Variants in DNAAF19 observed in about 807,000 individuals in gnomAD.
The protein encoded by DNAAF19 is dynein axonemal assembly factor 19.
chr17:44,904,399 C>T, the DNAAF19 span: 122 of 1,542,044 alleles, frequency 7.9e-5, no homozygotes, highest in East Asian at 1.0e-3. Flanking sequence ...AGTGGCGCAT[C>T]GGCCTCTGCT....
At chr17:44,902,456 T>C in the DNAAF19 span, 1 of 1,614,258 alleles carries the variant, frequency 6.2e-7, no homozygotes, top group East Asian at 2.2e-5. Context: ...TACCAGGCTC[T>C]ACTGCAGCTT....
At chr17:44,902,275 T>A in the DNAAF19 span, 1 of 1,525,972 alleles carries the variant, frequency 6.6e-7, no homozygotes, top group Non-Finnish European at 9.1e-7. Flanking sequence ...ATGAAGACAG[T>A]AAGATGAAGA....
At chr17:44,900,932 T>C in the DNAAF19 span, 1 of 1,471,058 alleles carries the variant, frequency 6.8e-7, no homozygotes, top group Admixed American at 2.5e-5. Context: ...AATTCAGAGG[T>C]ACCCTCTTTC....
At chr17:44,903,293 T>C in the DNAAF19 span, 1 of 1,245,644 alleles carries the variant, frequency 8.0e-7, no homozygotes, top group African/African-American at 1.5e-5. Context: ...ATTTGAGGTG[T>C]TGAATTTTCC....
chr17:44,903,493 C>G, the DNAAF19 span: 6 of 1,274,850 alleles, frequency 4.7e-6, no homozygotes, highest in African/African-American at 4.6e-5. Flanking sequence ...TCTCCCTGCC[C>G]GAGCACCTCG....
At chr17:44,901,505 G>C in the DNAAF19 span, 2 of 1,613,966 alleles carry the variant, frequency 1.2e-6, no homozygotes. Flanking sequence ...CCTAATTTCT[G>C]TCCTTTGCCT....
chr17:44,905,151 T>G, the DNAAF19 span: 244 of 1,060,488 alleles, frequency 2.3e-4, no homozygotes, highest in Non-Finnish European at 3.1e-4. Flanking sequence ...GTGGGTACCC[T>G]GGGTTGGGAC....
At chr17:44,901,423 C>A in the DNAAF19 span, 2 of 1,372,236 alleles carry the variant, frequency 1.5e-6, no homozygotes, top group Non-Finnish European at 2.0e-6. Context: ...CATATTGGTC[C>A]GTAACAGGTT....
At chr17:44,905,357 T>C in the DNAAF19 span, 3 of 443,498 alleles carry the variant, frequency 6.8e-6, no homozygotes, top group Non-Finnish European at 1.3e-5. Flanking sequence ...CTCAGATTTA[T>C]CCAGTGGTAA....
the DNAAF19 span, chr17:44,905,209 T>A: frequency 1.4e-6 from 1 of 696,308 alleles, no homozygotes; most frequent in Non-Finnish European, 2.4e-6. Flanking sequence ...GCTCCCCATT[T>A]TCATGGGCAG....
At chr17:44,900,178 C>G in the DNAAF19 span, among the ~76,000 whole-genome samples, 19 of 151,964 alleles carry the variant, frequency 1.3e-4, no homozygotes, top group South Asian at 8.3e-4. Flanking sequence ...GAGGCCGAGG[C>G]GCGCGGATTA....
At chr17:44,901,891 T>C in the DNAAF19 span, among the ~76,000 whole-genome samples, 1 of 152,042 alleles carries the variant, frequency 6.6e-6, no homozygotes, top group African/African-American at 2.4e-5. Flanking sequence ...GCTAGGAAGG[T>C]CGGCTTCCCT....
chr17:44,903,791 G>A, the DNAAF19 span: 3 of 1,521,872 alleles, frequency 2.0e-6, no homozygotes, highest in South Asian at 3.8e-5. Context: ...TTAATGCCCT[G>A]GTTTTGCCCT....
chr17:44,901,753 C>A, the DNAAF19 span: 1 of 1,293,840 alleles, frequency 7.7e-7, no homozygotes, highest in Non-Finnish European at 1.1e-6. Flanking sequence ...TTTTTAACCA[C>A]ACATACCTCT....
At chr17:44,905,141 G>C in the DNAAF19 span, 2 of 1,278,964 alleles carry the variant, frequency 1.6e-6, no homozygotes, top group Non-Finnish European at 1.1e-6. Context: ...ATGTCTCTGG[G>C]TGGGTACCCT....
the DNAAF19 span, chr17:44,903,507 C>A: frequency 7.8e-7 from 1 of 1,282,238 alleles, no homozygotes; most frequent in Non-Finnish European, 9.8e-7. Context: ...CACCTCGGCC[C>A]GCCCTTCTCA....
At chr17:44,902,439 A>G in the DNAAF19 span, 1 of 1,614,230 alleles carries the variant, frequency 6.2e-7, no homozygotes, top group Non-Finnish European at 8.5e-7. Flanking sequence ...CAAGTGGGCC[A>G]GAGCGCTACC....
chr17:44,900,756 A>G, the DNAAF19 span, among the ~76,000 whole-genome samples: 3 of 152,340 alleles, frequency 2.0e-5, no homozygotes, highest in East Asian at 5.8e-4. Context: ...CTCCAAATTG[A>G]AAGTCAGGAC....
the DNAAF19 span, among the ~76,000 whole-genome samples, chr17:44,901,969 T>C: frequency 6.6e-6 from 1 of 152,162 alleles, no homozygotes; most frequent in South Asian, 2.1e-4. Flanking sequence ...TGGTGTCTAG[T>C]GTAATGATCC....
Sources: allele counts gnomAD v4.1 joint callset (sites outside exome capture counted in the v4.1 genomes callset), GRCh38; gene constraint gnomAD v4.1.1; transcripts MANE v1.5; gene names NCBI Gene and HGNC (gene_info 2026-07-23, HGNC 2026-07-21).